RBFOX3: variants seen among roughly 807,000 people sequenced by gnomAD.
The protein encoded by RBFOX3 is RNA binding protein fox-1 homolog 3.
Under a neutral mutation model 48.7 loss-of-function variants are expected in RBFOX3, and 17 were observed. The ratio of observed to expected loss-of-function variants is 0.35; its 90% CI spans 0.24 to 0.52. The LOEUF (loss-of-function observed/expected upper bound fraction) is 0.52. Ranked by LOEUF, RBFOX3 falls within the 20% of genes least tolerant of loss-of-function variation. The probability of loss-of-function intolerance (pLI) is 0.94; values close to 1 mark genes in which losing one functional copy is unlikely to be tolerated. For synonymous variants in RBFOX3, 212 were observed against 209.5 expected (o/e 1.01, Z -0.10); for missense variants, 382 against 497.5 (o/e 0.77, Z 2.21).
At chr17:79,118,994 T>A (rs113899648) in intron 4 of RBFOX3, among the ~76,000 whole-genome samples, 16,218 of 133,222 alleles carry the variant, frequency 0.12, 945 homozygotes, top group South Asian at 0.22. Flanking sequence ...AAAAAAAAAA[T>A]AAAGAAAATA....
Position 79,463,218 on chromosome 17 carries a change from C to T in RBFOX3, c.-175+19236G>A, listed in dbSNP as rs1189826017. Among the ~76,000 whole-genome samples, 3 of 113,766 alleles carry T rather than the reference C, an allele frequency of 2.6e-5. 1 individual carries two copies. The highest frequency in any genetic ancestry group is 2.8e-5 in the African/African-American group (1 of 36,130). The allele number at this position is 113,766 out of a possible 152,430, so 74.6% of individuals were successfully genotyped here. A position where few individuals can be genotyped will look rare whatever the true frequency, so the allele number is the denominator to read the frequency against. ...ACCGCCATCGCCACTGCCACCTCCA[C>T]TGCCATCGCCACTGCCACTGCCATC... On this transcript the variant is annotated intron_variant, in intron 2 of 14. Coordinates refer to ENST00000693108, the MANE Select transcript of RBFOX3 (RefSeq NM_001350451.2).
rs199924816 is a variant in RBFOX3 at position 79,481,667 on chromosome 17, G to A, written c.-175+787C>T. On this transcript the variant is annotated intron_variant, in intron 2 of 14. Coordinates refer to ENST00000693108, the MANE Select transcript of RBFOX3 (RefSeq NM_001350451.2). The surrounding 1 kb of genome is among the most constrained non-coding windows in gnomAD (Gnocchi z 5.4). ...GCTTGCGGTTGGTGAACTTGTGGGT[G>A]AACCAGCAGGGTGGTGCATCCTAAC... 2.3e-3 allele frequency among the ~76,000 whole-genome samples: 353 copies of A among 152,314 alleles called. 11 individuals carry two copies. The East Asian group carries it at 0.061, about 26-fold the overall frequency.
chr17:79,647,387 A>C, the RBFOX3 span, among the ~76,000 whole-genome samples: 1 of 152,192 alleles, frequency 6.6e-6, no homozygotes, highest in Non-Finnish European at 1.5e-5. Flanking sequence ...GTCTCTGCAC[A>C]GGAAAGCAGC....
At chr17:79,268,414 A>G (rs1379904949) in intron 3 of RBFOX3, among the ~76,000 whole-genome samples, 1 of 152,080 alleles carries the variant, frequency 6.6e-6, no homozygotes, top group Admixed American at 6.6e-5. Context: ...CTGACCACAG[A>G]GGCCAAGCTC....
At position 79,477,715 on chromosome 17, in the gene RBFOX3, C is replaced by T. The variant is rs1478763689; in HGVS notation, c.-175+4739G>A. On this transcript the variant is annotated intron_variant, in intron 2 of 14. Transcript: ENST00000693108. This position sits in a 1 kb window ranked among gnomAD's most constrained non-coding sequence, Gnocchi z 4.8. ...AAAGGGGCAGGGTGGCAGAATTAGG[C>T]AGGATCAGAATGAGGGACTGAAGTG... Among the ~76,000 whole-genome samples the T allele has an allele frequency of 2.0e-5, 3 of 152,154 alleles. No individual in the cohort carries two copies. Among genetic ancestry groups the T allele is most frequent in the African/African-American group, 4.8e-5 (2 of 41,420 alleles).
At chr17:79,309,626 G>A (rs2076567775) in intron 2 of RBFOX3, among the ~76,000 whole-genome samples, 1 of 152,176 alleles carries the variant, frequency 6.6e-6, no homozygotes, top group South Asian at 2.1e-4. Context: ...GCATCATAAT[G>A]TGGCTTGACT....
At chr17:79,644,090 T>C in the RBFOX3 span, among the ~76,000 whole-genome samples, 1 of 152,126 alleles carries the variant, frequency 6.6e-6, no homozygotes. Context: ...TGCCAATACA[T>C]TCAACTATTT....
chr17:79,518,575 G>A (rs2085593393), intron 1 of RBFOX3, among the ~76,000 whole-genome samples: 2 of 152,236 alleles, frequency 1.3e-5, no homozygotes, highest in Admixed American at 6.5e-5. Flanking sequence ...GCTGGGGCCT[G>A]GACGGCTGTG....
intron 4 of RBFOX3, among the ~76,000 whole-genome samples, chr17:79,180,120 T>C (rs1019601976): frequency 2.0e-5 from 3 of 152,116 alleles, no homozygotes; most frequent in African/African-American, 7.2e-5. Context: ...CTCAGAAATA[T>C]CACCTCCGCT....
At chr17:79,262,222 G>C (rs192475133) in intron 3 of RBFOX3, among the ~76,000 whole-genome samples, 86 of 152,304 alleles carry the variant, frequency 5.6e-4, no homozygotes, top group Admixed American at 1.1e-3. Context: ...CGGCGGTTCT[G>C]AGCCTCAGCT....
intron 4 of RBFOX3, among the ~76,000 whole-genome samples, chr17:79,186,303 T>C (rs1463986570): frequency 2.6e-5 from 4 of 152,242 alleles, no homozygotes; most frequent in Non-Finnish European, 5.9e-5. Context: ...TGTGTTTGGC[T>C]TATTTCTTGG....
chr17:79,394,674 C>T (rs1357601925), intron 2 of RBFOX3, among the ~76,000 whole-genome samples: 1 of 152,234 alleles, frequency 6.6e-6, no homozygotes, highest in East Asian at 1.9e-4. Context: ...TTGTCTGAAG[C>T]CTTGGACCAT....
chr17:79,213,116 C>A (rs2058591870), intron 4 of RBFOX3, among the ~76,000 whole-genome samples: 1 of 152,178 alleles, frequency 6.6e-6, no homozygotes, highest in South Asian at 2.1e-4. Context: ...CTTGGCCTCT[C>A]AAAGTGCTGG....
chr17:79,101,418 C>A (rs2076413499), intron 9 of RBFOX3, among the ~76,000 whole-genome samples, 166 bp downstream of exon 9: 2 of 152,294 alleles, frequency 1.3e-5, no homozygotes, highest in South Asian at 2.1e-4. Context: ...CTCTTCTGCC[C>A]CACCCGCTTC....
At chr17:79,226,456 G>A (rs1376053865) in intron 4 of RBFOX3, among the ~76,000 whole-genome samples, 1 of 152,188 alleles carries the variant, frequency 6.6e-6, no homozygotes, top group Non-Finnish European at 1.5e-5. Flanking sequence ...CGGGGAGGTG[G>A]GGATGGCTTC....
intron 12 of RBFOX3, among the ~76,000 whole-genome samples, 194 bp downstream of exon 12, chr17:79,096,459 C>A (rs2075277197): frequency 6.6e-6 from 1 of 151,856 alleles, no homozygotes; most frequent in Non-Finnish European, 1.5e-5. Flanking sequence ...TGGGTACCAA[C>A]AACCAAACTG....
chr17:79,539,177 A>G (rs1309497226), intron 1 of RBFOX3, among the ~76,000 whole-genome samples: 1 of 151,964 alleles, frequency 6.6e-6, no homozygotes, highest in African/African-American at 2.4e-5. Context: ...CATAGCAAAA[A>G]CCTGTTTCTA....
Position 79,242,342 on chromosome 17 carries a change from C to T in RBFOX3, c.-73-6537G>A, listed in dbSNP as rs2062508667. Among the ~76,000 whole-genome samples the T allele has an allele frequency of 6.6e-6, 1 of 152,090 alleles. No homozygotes were observed. Among genetic ancestry groups the T allele is most frequent in the Admixed American group, 6.5e-5 (1 of 15,272 alleles). ...ATGAAACGATCTGTTTGTGCTCTTT[C>T]CCTAAGGGGAGCTGGAGGTGAAGGG... is the stretch of plus-strand genomic sequence containing the variant. On this transcript the variant is annotated intron_variant, in intron 3 of 14. Coordinates refer to ENST00000693108, the MANE Select transcript of RBFOX3 (RefSeq NM_001350451.2). This position sits in a 1 kb window ranked among gnomAD's most constrained non-coding sequence, Gnocchi z 5.8.
chr17:79,481,366 G>A lies in RBFOX3; in HGVS notation c.-175+1088C>T, dbSNP rs1207965867. On this transcript the variant is annotated intron_variant, in intron 2 of 14. Transcript: ENST00000693108. The surrounding 1 kb of genome is among the most constrained non-coding windows in gnomAD (Gnocchi z 5.4). ...ATGGGGCTGCACTGAACCTCATGGG[G>A]GTTTAAGAAAGAATTCACCTGGTGT... Among the ~76,000 whole-genome samples the A allele has an allele frequency of 1.3e-5, 2 of 152,256 alleles. No individual in the cohort carries two copies. Among genetic ancestry groups the A allele is most frequent in the South Asian group, 2.1e-4 (1 of 4,820 alleles).
Sources: gnomAD v4.1 joint callset for allele counts (sites outside exome capture counted in the v4.1 genomes callset) on GRCh38, gnomAD v4.1.1 for gene constraint, Gnocchi (gnomAD v3.1) non-coding constraint, MANE v1.5 for transcripts, NCBI Gene and HGNC (gene_info 2026-07-23, HGNC 2026-07-21) for gene names.